The following AFF2 variants were observed in gnomAD, a reference collection of about 807,000 sequenced individuals.
The protein encoded by AFF2 is ALF transcription elongation factor 2, also known as AF4/FMR2 family member 2.
In AFF2, 14 loss-of-function variants were observed where a neutral mutation model predicts 76.9. The ratio of observed to expected loss-of-function variants is 0.18; its 90% CI spans 0.12 to 0.28. AFF2 has a LOEUF of 0.28. AFF2 is among the 10% of genes least tolerant of loss of function. AFF2 has a pLI of 1.00. For missense variants in AFF2, 868 were observed against 1,001.1 expected (o/e 0.87, Z 1.79); for synonymous variants, 398 against 366.7 (o/e 1.09, Z -0.98).
At chrX:148,859,118 T>C (rs1557276173) in intron 7 of AFF2, among the ~76,000 whole-genome samples, 1 of 105,638 alleles carries the variant, frequency 9.5e-6, no homozygotes, top group Admixed American at 1.1e-4. Context: ...AACAACAGCA[T>C]TACATTGATT....
chrX:148,636,031 A>T (rs73619908), intron 1 of AFF2, among the ~76,000 whole-genome samples: 16,661 of 109,336 alleles, frequency 0.15, 1,177 homozygotes, highest in African/African-American at 0.26. Context: ...ATATATATAT[A>T]TTTTTTTCAT....
chrX:148,987,899 ATTG>A (rs1243630984), intron 20 of AFF2, among the ~76,000 whole-genome samples: 1 of 111,725 alleles, frequency 9.0e-6, no homozygotes, highest in African/African-American at 3.3e-5. Flanking sequence ...TCCTGTTATT[ATTG>A]TTATTATTAT....
intron 3 of AFF2, among the ~76,000 whole-genome samples, chrX:148,705,563 T>TG (rs10651955): frequency 2.7e-5 from 3 of 110,644 alleles, no homozygotes; most frequent in Non-Finnish European, 5.7e-5. Context: ...GCAGAGGACT[T>TG]AGCTTTTTCA....
At chrX:148,902,145 T>C (rs1157731651) in intron 8 of AFF2, among the ~76,000 whole-genome samples, 10 of 112,070 alleles carry the variant, frequency 8.9e-5, no homozygotes, top group East Asian at 2.8e-4. Flanking sequence ...CTGGGTCTAA[T>C]TGACAGTTCC....
chrX:148,660,427 C>T (rs1251455585), intron 2 of AFF2, among the ~76,000 whole-genome samples: 4 of 111,801 alleles, frequency 3.6e-5, no homozygotes, highest in Non-Finnish European at 7.5e-5. Flanking sequence ...TAGCACTTCG[C>T]CCTCTAGCCA....
intron 1 of AFF2, among the ~76,000 whole-genome samples, chrX:148,647,010 A>C (rs782093320): frequency 8.9e-6 from 1 of 112,403 alleles, no homozygotes; most frequent in Admixed American, 9.4e-5. Context: ...AGTTATGTAG[A>C]GATTAGATCA....
Position 148,901,566 on chromosome X carries a change from C to T in AFF2, c.1360-2655C>T, listed in dbSNP as rs1557280883. Among the ~76,000 whole-genome samples, 3 of 112,070 alleles carry T rather than the reference C, an allele frequency of 2.7e-5. No homozygotes were observed. The South Asian group carries it at 1.1e-3, about 41-fold the overall frequency. On this transcript the variant is annotated intron_variant, in intron 8 of 20. Coordinates refer to ENST00000370460, the MANE Select transcript of AFF2 (RefSeq NM_002025.4). The stretch of plus-strand genomic sequence containing the variant: ...ATGTCACTTCCTTTTAATTTTCCTC[C>T]TTTTGCAGTGTGTCTCACATTCTGG...
At chrX:148,574,943 GGT>G (rs781819721) in intron 1 of AFF2, among the ~76,000 whole-genome samples, 19,834 of 95,342 alleles carry the variant, frequency 0.21, 2,428 homozygotes, top group East Asian at 0.81. Flanking sequence ...ATAGTGCTGG[GGT>G]GTGTGTGTGT....
At chrX:148,710,337 A>G (rs919333694) in intron 3 of AFF2, among the ~76,000 whole-genome samples, 15 of 111,903 alleles carry the variant, frequency 1.3e-4, no homozygotes, top group Non-Finnish European at 2.8e-4. Flanking sequence ...GCCTCCCTAC[A>G]TAGCAGTTTC....
intron 1 of AFF2, among the ~76,000 whole-genome samples, chrX:148,523,518 A>C (rs1477647397): frequency 8.9e-6 from 1 of 112,200 alleles, no homozygotes; most frequent in African/African-American, 3.2e-5. Context: ...CTCTGACTTC[A>C]ATTATATACC....
chrX:148,672,180 G>A (rs1042764381), intron 3 of AFF2, among the ~76,000 whole-genome samples: 14 of 112,004 alleles, frequency 1.2e-4, no homozygotes, highest in Non-Finnish European at 2.6e-4. Context: ...AGTCTGTTTG[G>A]TATTTTCTAT....
intron 7 of AFF2, among the ~76,000 whole-genome samples, chrX:148,848,811 T>A (rs2070698095): frequency 1.8e-5 from 2 of 112,130 alleles, no homozygotes; most frequent in Non-Finnish European, 3.8e-5. Flanking sequence ...AATCAAGAAG[T>A]ATACCAACTC....
At position 148,962,757 on chromosome X, in the gene AFF2, A is replaced by C; in HGVS notation, c.2733A>C (p.Lys911Asn). The change falls in exon 13 of 21, where the codon AAA (lysine) becomes AAC (asparagine). Residue 911 changes from lysine (K) to asparagine (N), a missense_variant. Physicochemically the swap from Lys to Asn is moderately conservative, Grantham distance 94. Around this residue, in one of 6 missense-constraint regions of AFF2, gnomAD observed 532 missense variants for 564.2 expected, o/e 0.94. Coordinates refer to ENST00000370460, the MANE Select transcript of AFF2 (RefSeq NM_002025.4). ...SRRANRRKEEKLFPPPLSPLP... is the reference protein window; with the variant it reads ...SRRANRRKEENLFPPPLSPLP... ...GAGCAAATAGAAGAAAGGAAGAAAA[A>C]CTATTTCCTCCTCCACTTTCCCCAC... 1 of 1,210,325 alleles carries C rather than the reference A, an allele frequency of 8.3e-7. No homozygotes were observed. The highest frequency in any genetic ancestry group is 1.1e-6 in the Non-Finnish European group (1 of 894,753).
chrX:148,823,561 C>G (rs1300349986), intron 4 of AFF2, among the ~76,000 whole-genome samples: 1 of 112,055 alleles, frequency 8.9e-6, no homozygotes, highest in Non-Finnish European at 1.9e-5. Flanking sequence ...ATACAGTGAA[C>G]AGAACTGCCC....
At chrX:148,671,700 A>T (rs376942308) in intron 3 of AFF2, among the ~76,000 whole-genome samples, 19 of 111,319 alleles carry the variant, frequency 1.7e-4, no homozygotes, top group African/African-American at 6.2e-4. Flanking sequence ...GACTAGGTAA[A>T]TATGGGAAGA....
chrX:148,505,214 T>C (rs1487967619), intron 1 of AFF2, among the ~76,000 whole-genome samples: 1 of 111,569 alleles, frequency 9.0e-6, no homozygotes, highest in Non-Finnish European at 1.9e-5. Context: ...GTAGGAGAAA[T>C]TTAAGTTGGT....
At chrX:148,688,443 C>T (rs951332001) in intron 3 of AFF2, among the ~76,000 whole-genome samples, 2 of 111,371 alleles carry the variant, frequency 1.8e-5, no homozygotes, top group African/African-American at 6.5e-5. Flanking sequence ...TTTTCTGTTC[C>T]TGCAGTTTTT....
At chrX:148,646,884 AAAT>A (rs1557255517) in intron 1 of AFF2, among the ~76,000 whole-genome samples, 1 of 112,211 alleles carries the variant, frequency 8.9e-6, no homozygotes, top group Admixed American at 9.5e-5. Flanking sequence ...TATATGTGTA[AAAT>A]AATGATGGCC....
intron 3 of AFF2, among the ~76,000 whole-genome samples, chrX:148,753,032 G>A (rs2055520509): frequency 9.0e-6 from 1 of 111,304 alleles, no homozygotes; most frequent in African/African-American, 3.3e-5. Flanking sequence ...TGGAGGGTGA[G>A]GTAGGGAGAA....
Sources: allele counts gnomAD v4.1 joint callset (sites outside exome capture counted in the v4.1 genomes callset), GRCh38; gene constraint gnomAD v4.1.1; regional missense constraint gnomAD v4.1.1; transcripts MANE v1.5; gene names NCBI Gene and HGNC (gene_info 2026-07-23, HGNC 2026-07-21).